The following PHLDB1 variants were observed in gnomAD, a reference collection of about 807,000 sequenced individuals.
PHLDB1 encodes pleckstrin homology-like domain family B member 1.
Under a neutral mutation model 139.3 loss-of-function variants are expected in PHLDB1, and 65 were observed. The ratio of observed to expected loss-of-function variants is 0.47; its 90% CI spans 0.38 to 0.57. The LOEUF is 0.57. Among genes scored for constraint, PHLDB1 ranks in the 20% least tolerant of loss-of-function variants. The pLI is 0.00. For synonymous variants in PHLDB1, 679 were observed against 734.5 expected, an observed-to-expected ratio of 0.92 and a Z score of 1.22; for missense variants, 1,624 against 1,839.7, an observed-to-expected ratio of 0.88 and a Z score of 2.14.
At chr11:118,640,638 G>C (rs1165758398) in intron 12 of PHLDB1, 5 of 153,236 alleles carry the variant, frequency 3.3e-5, no homozygotes, top group African/African-American at 9.6e-5. Flanking sequence ...CTCCTGTCCA[G>C]GCTGATGGGG....
Position 118,656,715 on chromosome 11 carries a change from G to C in PHLDB1, c.4026G>C (p.Lys1342Asn). The change falls in exon 23 of 23, where the codon AAG (lysine) becomes AAC (asparagine). Residue 1342 changes from lysine (K) to asparagine (N), a missense_variant. Lys to Asn is a moderately conservative substitution (Grantham distance 94). Transcript: ENST00000600882. The stretch of plus-strand genomic sequence containing the variant: ...ACCCAGCCCTCACCTTCTGCGTAAA[G>C]ACCCATGACCGGCTGTACTACATGG... ...SPNPALTFCV[K>N]THDRLYYMVA... 1 of 1,614,018 alleles carries C rather than the reference G, an allele frequency of 6.2e-7. No homozygotes were observed.
Position 118,650,864 on chromosome 11 carries a change from TAA to T in PHLDB1, c.3874+318_3874+319del. 1.9e-5 allele frequency: 7 copies of T among 374,072 alleles called. No individual in the cohort carries two copies. Among genetic ancestry groups the T allele is most frequent in the South Asian group, 5.7e-5 (2 of 34,910 alleles). 23.2% of individuals were successfully genotyped at this position (374,072 alleles called of 1,614,324 possible). On this transcript the variant is annotated intron_variant, in intron 20 of 22. Transcript: ENST00000600882. The surrounding 1 kb of genome is among the most constrained non-coding windows in gnomAD (Gnocchi z 4.7). Reference sequence around the variant, plus strand: ...TAATCAGGGAAGCAGACAAGAGTGATAACCACGCACAATGGGTATGCTGATAG... The same window carrying T: ...TAATCAGGGAAGCAGACAAGAGTGATCCACGCACAATGGGTATGCTGATAG...
Position 118,632,122 on chromosome 11 carries a change from C to T in PHLDB1, c.2242-37C>T. The stretch of plus-strand genomic sequence containing the variant: ...GAAGGCCCCAGAGAGGGGCCACAGT[C>T]AGCTGCTTTGATGGGGACCCTGGTG... On this transcript the variant is annotated intron_variant, in intron 8 of 22. Coordinates refer to ENST00000600882, the MANE Select transcript of PHLDB1 (RefSeq NM_001144758.3). The surrounding 1 kb of genome is among the most constrained non-coding windows in gnomAD (Gnocchi z 5.9). 6.2e-7 allele frequency: 1 copy of T among 1,613,852 alleles called. No homozygotes were observed.
chr11:118,631,419 G>A lies in PHLDB1; in HGVS notation c.2040G>A (p.Glu680=). 1 of 1,461,588 alleles carries A rather than the reference G, an allele frequency of 6.8e-7. No homozygotes were observed. The highest frequency in any genetic ancestry group is 1.5e-5 in the African/African-American group (1 of 68,896). 90.5% of individuals were successfully genotyped at this position (1,461,588 alleles called of 1,614,324 possible). The part of the protein sequence containing the change: ...VATQRLWESM[E]RSDEENLKEE... ...CCCAACGCCTATGGGAGAGTATGGA[G>A]CGCTCAGATGAGGAAAATCTCAAGG... Residue 680 remains glutamate (E), a synonymous_variant, in exon 7 of 23, where the codon GAG becomes GAA. Coordinates refer to ENST00000600882, the MANE Select transcript of PHLDB1 (RefSeq NM_001144758.3).
chr11:118,631,780 G>T, intron 7 of PHLDB1, 133 bp from the exon 8 acceptor site: 4 of 1,076,442 alleles, frequency 3.7e-6, no homozygotes, highest in Non-Finnish European at 5.4e-6. Context: ...GGTTGCGGGG[G>T]GGCAGGGAAT....
rs552409348 is a variant in PHLDB1, at chr11:118,649,044, C to T, written c.3654+968C>T. 6.6e-5 allele frequency among the ~76,000 whole-genome samples: 10 copies of T among 152,200 alleles called. No homozygotes were observed. The East Asian group carries it at 1.2e-3, about 18-fold the overall frequency. On this transcript the variant is annotated intron_variant, in intron 18 of 22. Coordinates refer to ENST00000600882, the MANE Select transcript of PHLDB1 (RefSeq NM_001144758.3). ...CTGTAATCCCAGCACTTTGGGAGGC[C>T]GAGGTACACAGATCACTTGAGTCCA...
At chr11:118,654,938 GA>G (rs1167484045) in intron 20 of PHLDB1, 4 of 151,870 alleles carry the variant, frequency 2.6e-5, no homozygotes, top group Non-Finnish European at 5.9e-5. Context: ...GGCTGGTCTC[GA>G]ACTCCTGACC....
At chr11:118,626,182 C>T (rs188568496) in intron 5 of PHLDB1, among the ~76,000 whole-genome samples, 13 of 152,192 alleles carry the variant, frequency 8.5e-5, no homozygotes, top group Admixed American at 8.5e-4. Context: ...TCCCCTGCCT[C>T]TGATTGGACG....
intron 6 of PHLDB1, among the ~76,000 whole-genome samples, chr11:118,629,327 C>T (rs191530708): frequency 5.1e-4 from 77 of 152,278 alleles, no homozygotes; most frequent in African/African-American, 3.9e-4. Flanking sequence ...TGTGCATGCA[C>T]GTGGGTGCAT....
chr11:118,644,663 C>T (rs1289691172), intron 15 of PHLDB1: 7 of 1,289,718 alleles, frequency 5.4e-6, no homozygotes, highest in Middle Eastern at 2.1e-4. Flanking sequence ...CGCTTCCCGC[C>T]GAGCCCCTCC....
intron 5 of PHLDB1, among the ~76,000 whole-genome samples, chr11:118,625,529 T>A (rs1943705388): frequency 6.6e-6 from 1 of 152,216 alleles, no homozygotes. Context: ...TGTGTGTGAA[T>A]TATTGATCCC....
At position 118,635,839 on chromosome 11, in the gene PHLDB1, G is replaced by T. The variant is rs12419235; in HGVS notation, c.2535+291G>T. 0.015 allele frequency among the ~76,000 whole-genome samples: 2,328 copies of T among 152,336 alleles called. 149 individuals are homozygous for T. The East Asian group carries it at 0.16, about 10-fold the overall frequency. Reference sequence around the variant, plus strand: ...TCAGAGCTTGGCACTGGCCCAGCAGGAAGGTGAAAGATGGAGGAGGAGGAG... The same window carrying T: ...TCAGAGCTTGGCACTGGCCCAGCAGTAAGGTGAAAGATGGAGGAGGAGGAG... On this transcript the variant is annotated intron_variant, in intron 10 of 22. Transcript: ENST00000600882.
intron 7 of PHLDB1, 67 bp downstream of exon 7, chr11:118,631,546 T>C: frequency 7.7e-7 from 1 of 1,303,264 alleles, no homozygotes; most frequent in Non-Finnish European, 1.0e-6. Flanking sequence ...AGGAGGCTGG[T>C]GTATCCAATG....
rs1947247624 is a variant in PHLDB1 at position 118,645,030 on chromosome 11, C to G, written c.3122-326C>G. 5.7e-6 allele frequency: 2 copies of G among 353,368 alleles called. No homozygotes were observed. The highest frequency in any genetic ancestry group is 9.1e-5 in the Admixed American group (2 of 21,976). The allele number at this position is 353,368 out of a possible 1,614,324, so 21.9% of individuals were successfully genotyped here. On this transcript the variant is annotated intron_variant, in intron 15 of 22. Coordinates refer to ENST00000600882, the MANE Select transcript of PHLDB1 (RefSeq NM_001144758.3). This position sits in a 1 kb window ranked among gnomAD's most constrained non-coding sequence, Gnocchi z 5.1. ...GGTGCATGTATCCTGCCTAGACCTA[C>G]TTAGGCCTTGGTTGTGAGCTGGAGC...
Position 118,632,494 on chromosome 11 carries a change from G to A in PHLDB1, c.2379+198G>A. On this transcript the variant is annotated intron_variant, in intron 9 of 22. Coordinates refer to ENST00000600882, the MANE Select transcript of PHLDB1 (RefSeq NM_001144758.3). This position sits in a 1 kb window ranked among gnomAD's most constrained non-coding sequence, Gnocchi z 5.9. ...CTTGGAGGGCACTGCCAGGGGCTGG[G>A]CTGGTGTCTGGGGTCTCCTCTGTCT... The A allele has an allele frequency of 1.6e-6, 1 of 638,226 alleles. No homozygotes were observed. Among genetic ancestry groups the A allele is most frequent in the Non-Finnish European group, 2.7e-6 (1 of 368,122 alleles). 39.5% of individuals were successfully genotyped at this position (638,226 alleles called of 1,614,324 possible). A position where few individuals can be genotyped will look rare whatever the true frequency, so the allele number is the denominator to read the frequency against.
intron 6 of PHLDB1, chr11:118,630,050 A>G: frequency 1.7e-6 from 2 of 1,150,346 alleles, no homozygotes; most frequent in Non-Finnish European, 2.2e-6. Context: ...TTTTTTTGCC[A>G]TGGAACTGGG....
At chr11:118,613,733 C>A in intron 1 of PHLDB1, 83 bp from the exon 2 acceptor site, 1 of 801,736 alleles carries the variant, frequency 1.2e-6, no homozygotes, top group Non-Finnish European at 2.1e-6. Context: ...ACACCTCTGC[C>A]CTGAGAACCC....
chr11:118,613,563 T>G, intron 1 of PHLDB1: 21 of 730,538 alleles, frequency 2.9e-5, no homozygotes, highest in Non-Finnish European at 3.5e-5. Context: ...GATTGGGCCC[T>G]ATGGGACTGT....
intron 12 of PHLDB1, chr11:118,640,180 C>G (rs1030544893): frequency 6.3e-6 from 1 of 158,146 alleles, no homozygotes; most frequent in Non-Finnish European, 1.4e-5. Context: ...CCATAGAGTG[C>G]CTGTGCAGCC....
Sources: gnomAD v4.1 joint callset for allele counts (sites outside exome capture counted in the v4.1 genomes callset) on GRCh38, gnomAD v4.1.1 for gene constraint, Gnocchi (gnomAD v3.1) non-coding constraint, MANE v1.5 for transcripts, NCBI Gene and HGNC (gene_info 2026-07-23, HGNC 2026-07-21) for gene names.